Variants in FAM151B observed in about 807,000 individuals in gnomAD.
FAM151B encodes family with sequence similarity 151 member B.
In FAM151B, 24 loss-of-function variants were observed where a neutral mutation model predicts 31.2. The ratio of observed to expected loss-of-function variants is 0.77; its 90% CI spans 0.56 to 1.08. The LOEUF (loss-of-function observed/expected upper bound fraction) is 1.08, where lower values mean the gene tolerates loss of function less well. FAM151B is among the 50% of genes least tolerant of loss of function. FAM151B has a pLI of 0.00. For synonymous variants in FAM151B, 105 were observed against 111.4 expected, an observed-to-expected ratio of 0.94 and a Z score of 0.36; for missense variants, 293 against 328.6, an observed-to-expected ratio of 0.89 and a Z score of 0.84.
chr5:80,509,253 A>C (rs1744096751), intron 2 of FAM151B, among the ~76,000 whole-genome samples: 1 of 152,018 alleles, frequency 6.6e-6, no homozygotes, highest in Admixed American at 6.6e-5. Context: ...TGCTGGGATT[A>C]CAGGAGTAAG....
chr5:80,520,935 A>G (rs13360708), intron 4 of FAM151B, among the ~76,000 whole-genome samples: 115,170 of 147,854 alleles, frequency 0.78, 45,051 homozygotes, highest in African/African-American at 0.83. Context: ...TCGTGCATCA[A>G]CCTCTTGAAT....
chr5:80,522,815 A>G (rs1283283474), intron 5 of FAM151B, among the ~76,000 whole-genome samples: 1 of 152,198 alleles, frequency 6.6e-6, no homozygotes, highest in Non-Finnish European at 1.5e-5. Context: ...TTTGGTATGT[A>G]ATAAAAATTA....
intron 5 of FAM151B, among the ~76,000 whole-genome samples, chr5:80,539,466 TTTTTGTTTTG>T (rs1296853172): frequency 1.3e-5 from 2 of 152,126 alleles, no homozygotes; most frequent in Non-Finnish European, 2.9e-5. Context: ...GTTTTTTTAC[TTTTTGTTTTG>T]TTTTGTTTTG....
At chr5:80,530,574 C>A (rs913824369) in intron 5 of FAM151B, among the ~76,000 whole-genome samples, 1 of 152,162 alleles carries the variant, frequency 6.6e-6, no homozygotes, top group African/African-American at 2.4e-5. Flanking sequence ...AAATCACAAG[C>A]GTTCCTATAC....
At chr5:80,497,400 G>A (rs1235449797) in intron 1 of FAM151B, among the ~76,000 whole-genome samples, 36 of 144,854 alleles carry the variant, frequency 2.5e-4, no homozygotes, top group Non-Finnish European at 7.5e-5. Context: ...GAGTGACAGA[G>A]CAAGACTCCG....
chr5:80,519,662 C>G (rs1187392273), intron 3 of FAM151B, 31 bp from the exon 4 acceptor site: 1 of 1,582,760 alleles, frequency 6.3e-7, no homozygotes, highest in South Asian at 1.1e-5. Flanking sequence ...CCTAAAGAAT[C>G]TATCTCATTG....
intron 5 of FAM151B, among the ~76,000 whole-genome samples, chr5:80,540,091 G>A (rs1221728005): frequency 6.6e-6 from 1 of 152,106 alleles, no homozygotes; most frequent in Non-Finnish European, 1.5e-5. Flanking sequence ...CTACCATACA[G>A]TCCACAGACC....
chr5:80,538,422 T>TTCTTTC (rs1554059039), intron 5 of FAM151B, among the ~76,000 whole-genome samples: 21 of 55,738 alleles, frequency 3.8e-4, no homozygotes, highest in African/African-American at 1.9e-3. Flanking sequence ...CTTTCTTTCT[T>TTCTTTC]TCTTTCTTTC....
intron 5 of FAM151B, among the ~76,000 whole-genome samples, chr5:80,536,797 C>A (rs1745534835): frequency 6.6e-6 from 1 of 152,066 alleles, no homozygotes; most frequent in African/African-American, 2.4e-5. Flanking sequence ...AAGCCAGGCA[C>A]AGAAAGATAA....
intron 1 of FAM151B, among the ~76,000 whole-genome samples, chr5:80,488,707 G>A (rs1166212947): frequency 2.6e-5 from 4 of 152,188 alleles, no homozygotes; most frequent in Non-Finnish European, 5.9e-5. Flanking sequence ...ATGAGACAAC[G>A]TCAGTGACGC....
chr5:80,498,808 G>A, intron 1 of FAM151B: 1 of 484,514 alleles, frequency 2.1e-6, no homozygotes, highest in Non-Finnish European at 3.9e-6. Flanking sequence ...GACTCCTTTT[G>A]AATGTTGTAG....
chr5:80,541,209 A>G (rs575086332), intron 5 of FAM151B, among the ~76,000 whole-genome samples: 105 of 152,322 alleles, frequency 6.9e-4, no homozygotes, highest in Admixed American at 2.1e-3. Flanking sequence ...AAAACCTCCA[A>G]AAGAAACAGC....
intron 1 of FAM151B, chr5:80,498,661 C>T (rs913149976): frequency 4.5e-6 from 3 of 671,776 alleles, no homozygotes; most frequent in Non-Finnish European, 5.5e-6. Context: ...CTAATTTTGC[C>T]ATTCTCTTCC....
intron 5 of FAM151B, among the ~76,000 whole-genome samples, chr5:80,535,050 G>T (rs1220462338): frequency 6.6e-6 from 1 of 152,098 alleles, no homozygotes; most frequent in African/African-American, 2.4e-5. Context: ...CCAAAGAAGT[G>T]AAAGATCTCT....
rs534999288 is a variant in FAM151B at position 80,507,051 on chromosome 5, A to C, written c.151+5134A>C. ...GGAGAATTGCTTGAACCCAGGAAGCAGAGGTTGCAGTGAGCCAAGATCATG... is the reference window on the plus strand; with the variant it reads ...GGAGAATTGCTTGAACCCAGGAAGCCGAGGTTGCAGTGAGCCAAGATCATG... On this transcript the variant is annotated intron_variant, in intron 2 of 5. Coordinates refer to ENST00000282226, the MANE Select transcript of FAM151B (RefSeq NM_205548.3). Among the ~76,000 whole-genome samples the C allele has an allele frequency of 2.3e-3, 352 of 150,712 alleles. 3 individuals are homozygous for C. The highest frequency in any genetic ancestry group is 8.4e-3 in the African/African-American group (344 of 40,994).
chr5:80,517,769 C>T (rs1484503882), intron 3 of FAM151B, among the ~76,000 whole-genome samples: 5 of 152,088 alleles, frequency 3.3e-5, no homozygotes, highest in East Asian at 1.9e-4. Context: ...TGGGAGAATA[C>T]GCTGTTTGAA....
Position 80,501,731 on chromosome 5 carries a change from T to C in FAM151B, c.26-61T>C, listed in dbSNP as rs1743755578. 9 of 1,282,464 alleles carry C rather than the reference T, an allele frequency of 7.0e-6. No homozygotes were observed. In the South Asian group the frequency reaches 1.3e-4, roughly 18 times the overall value. The allele number at this position is 1,282,464 out of a possible 1,614,324, so 79.4% of individuals were successfully genotyped here. On this transcript the variant is annotated intron_variant, in intron 1 of 5. Transcript: ENST00000282226. ...TCTTAAATATACACAATGAAAGTGA[T>C]TTTAAAAATTTTACCCTATAAAAAA...
intron 1 of FAM151B, among the ~76,000 whole-genome samples, chr5:80,496,700 G>A (rs1743549121): frequency 6.6e-6 from 1 of 151,660 alleles, no homozygotes. Context: ...AAATTGGGGA[G>A]CTTTAAATAA....
chr5:80,501,390 A>G lies in FAM151B; in HGVS notation c.26-402A>G. On this transcript the variant is annotated intron_variant, in intron 1 of 5. Coordinates refer to ENST00000282226, the MANE Select transcript of FAM151B (RefSeq NM_205548.3). The stretch of plus-strand genomic sequence containing the variant: ...AGGACCAGATCAACAGGCTTACTAG[A>G]AGAATGAAATAAGATGTCTACCATG... The G allele has an allele frequency of 6.9e-6, 7 of 1,021,176 alleles. No individual in the cohort carries two copies. The South Asian group carries it at 8.3e-5, about 12-fold the overall frequency. The allele number at this position is 1,021,176 out of a possible 1,614,324, so 63.3% of individuals were successfully genotyped here. A position where few individuals can be genotyped will look rare whatever the true frequency, so the allele number is the denominator to read the frequency against.
Sources: allele counts gnomAD v4.1 joint callset (sites outside exome capture counted in the v4.1 genomes callset), GRCh38; gene constraint gnomAD v4.1.1; transcripts MANE v1.5; gene names NCBI Gene and HGNC (gene_info 2026-07-23, HGNC 2026-07-21).